The following COL8A1 variants were observed in gnomAD, a reference collection of about 807,000 sequenced individuals.
The protein encoded by COL8A1 is collagen alpha-1(VIII) chain.
In COL8A1, 21 loss-of-function variants were observed where a neutral mutation model predicts 42.7. The observed-to-expected ratio is 0.49, with a 90% confidence interval of 0.35 to 0.71. COL8A1 has a LOEUF of 0.71. Among genes scored for constraint, COL8A1 ranks in the 30% least tolerant of loss-of-function variants. COL8A1 has a pLI of 0.01. For synonymous variants in COL8A1, 367 were observed against 369.1 expected (o/e 0.99, Z 0.06); for missense variants, 788 against 962.4 (o/e 0.82, Z 2.40).
In COL8A1 at chr3:99,753,525, G is replaced by A. The variant is rs555209046; in HGVS notation, c.-4+8504G>A. ...ATAGAAAACACTGACGCCAGGGTTG[G>A]ACCCATCAGTTAGTACCGCTGCAGC... On this transcript the variant is annotated intron_variant, in intron 2 of 3. Transcript: ENST00000652472. Among the ~76,000 whole-genome samples the A allele has an allele frequency of 1.5e-4, 23 of 152,246 alleles. No homozygotes were observed. In the South Asian group the frequency reaches 4.6e-3, roughly 30 times the overall value.
chr3:99,644,825 A>C (rs1937613859), intron 1 of COL8A1, among the ~76,000 whole-genome samples: 1 of 152,200 alleles, frequency 6.6e-6, no homozygotes, highest in African/African-American at 2.4e-5. Context: ...TGTGGGTGTC[A>C]GCTGTCAACT....
rs1260061080 is a variant in COL8A1, at chr3:99,798,445, A to G, written c.*2309A>G. Reference sequence around the variant, plus strand: ...AACAGCCACATTGAAATGGTTTAAAAGCAAGTCAGATCAGGTGATTTGTAA... The same window carrying G: ...AACAGCCACATTGAAATGGTTTAAAGGCAAGTCAGATCAGGTGATTTGTAA... On this transcript the variant is annotated 3_prime_UTR_variant, in exon 4 of 4. Transcript: ENST00000652472. The G allele has an allele frequency of 6.6e-6, 1 of 152,252 alleles. No homozygotes were observed. Among genetic ancestry groups the G allele is most frequent in the East Asian group, 1.9e-4 (1 of 5,206 alleles). The allele number at this position is 152,252 out of a possible 1,614,324, so 9.4% of individuals were successfully genotyped here. A position where few individuals can be genotyped will look rare whatever the true frequency, so the allele number is the denominator to read the frequency against.
chr3:99,694,739 T>C (rs1023401234), intron 1 of COL8A1, among the ~76,000 whole-genome samples: 3 of 152,226 alleles, frequency 2.0e-5, no homozygotes, highest in African/African-American at 7.2e-5. Flanking sequence ...CCTCTTCATC[T>C]TATATAAGAT....
At chr3:99,700,221 T>C (rs1373067655) in intron 1 of COL8A1, among the ~76,000 whole-genome samples, 1 of 151,850 alleles carries the variant, frequency 6.6e-6, no homozygotes, top group Non-Finnish European at 1.5e-5. Flanking sequence ...GAGCATGAAA[T>C]AGCGTGAAAT....
chr3:99,721,830 G>A (rs564157679), intron 1 of COL8A1, among the ~76,000 whole-genome samples: 34 of 151,952 alleles, frequency 2.2e-4, no homozygotes, highest in African/African-American at 4.8e-4. Context: ...ACAAAAGGAC[G>A]GAAGAGTCTA....
intron 1 of COL8A1, among the ~76,000 whole-genome samples, chr3:99,649,653 A>G (rs1937774875): frequency 1.3e-5 from 2 of 152,172 alleles, no homozygotes; most frequent in Admixed American, 6.5e-5. Flanking sequence ...TCATGAAATG[A>G]CCAACACTAC....
intron 2 of COL8A1, among the ~76,000 whole-genome samples, chr3:99,749,922 T>G (rs1486418370): frequency 1.3e-5 from 2 of 151,942 alleles, no homozygotes; most frequent in African/African-American, 2.4e-5. Flanking sequence ...TATACAATAA[T>G]AGTGATAAGT....
chr3:99,653,406 G>T (rs1371927844), intron 1 of COL8A1, among the ~76,000 whole-genome samples: 1 of 151,842 alleles, frequency 6.6e-6, no homozygotes, highest in Non-Finnish European at 1.5e-5. Context: ...TTGGGTGGGG[G>T]GTTGTGTTTT....
In COL8A1 at chr3:99,790,818, C is replaced by T. The variant is rs1214797901; in HGVS notation, c.136C>T (p.Pro46Ser). The T allele has an allele frequency of 1.9e-6, 3 of 1,614,222 alleles. No homozygotes were observed. Among genetic ancestry groups the T allele is most frequent in the Non-Finnish European group, 2.5e-6 (3 of 1,180,048 alleles). ...LPPQIPPQMP[P>S]QIPQYQPLGQ... is the part of the protein sequence containing the mutation. Reference sequence around the variant, plus strand: ...ACCTCAAATTCCTCCTCAGATGCCACCACAAATTCCACAATACCAGCCCCT... The same window carrying T: ...ACCTCAAATTCCTCCTCAGATGCCATCACAAATTCCACAATACCAGCCCCT... The change falls in exon 3 of 4, where the codon CCA (proline) becomes TCA (serine). Residue 46 changes from proline (P) to serine (S), a missense_variant. Pro to Ser is a moderately conservative substitution (Grantham distance 74, BLOSUM62 -1). Transcript: ENST00000652472.
chr3:99,705,788 AT>A (rs1576440156), intron 1 of COL8A1, among the ~76,000 whole-genome samples: 1 of 152,254 alleles, frequency 6.6e-6, no homozygotes, highest in African/African-American at 2.4e-5. Flanking sequence ...CCGGTATGAT[AT>A]TTTTTGGGGG....
At chr3:99,732,824 C>T (rs374815136) in intron 1 of COL8A1, among the ~76,000 whole-genome samples, 1 of 152,154 alleles carries the variant, frequency 6.6e-6, no homozygotes, top group Admixed American at 6.6e-5. Context: ...TCCCTCCCAC[C>T]TATGAGCCTA....
intron 1 of COL8A1, among the ~76,000 whole-genome samples, chr3:99,711,830 TAGTC>T (rs1425502480): frequency 6.6e-6 from 1 of 152,152 alleles, no homozygotes; most frequent in African/African-American, 2.4e-5. Flanking sequence ...TTTATAAAAA[TAGTC>T]AGCAACATAG....
At chr3:99,681,361 C>A (rs184954723) in intron 1 of COL8A1, among the ~76,000 whole-genome samples, 1 of 152,106 alleles carries the variant, frequency 6.6e-6, no homozygotes. Flanking sequence ...CAAAAGCAGA[C>A]CTTACTTATT....
At chr3:99,685,842 TAGTC>T (rs1484253803) in intron 1 of COL8A1, among the ~76,000 whole-genome samples, 2 of 152,232 alleles carry the variant, frequency 1.3e-5, no homozygotes, top group African/African-American at 4.8e-5. Flanking sequence ...ATGAATATAA[TAGTC>T]AGACTACTTT....
intron 1 of COL8A1, among the ~76,000 whole-genome samples, chr3:99,655,126 CCTTTTAGTATGGAAGAGAGGCCA>C: frequency 6.6e-6 from 1 of 152,124 alleles, no homozygotes; most frequent in East Asian, 1.9e-4. Flanking sequence ...CCCCTTTCTT[CCTTTTAGTATGGAAGAGAGGCCA>C]CTTTTTCTGC....
Position 99,795,075 on chromosome 3 carries a change from C to A in COL8A1, c.1174C>A (p.Pro392Thr), listed in dbSNP as rs763724297. The A allele has an allele frequency of 1.4e-5, 23 of 1,611,372 alleles. No individual in the cohort carries two copies. Among genetic ancestry groups the A allele is most frequent in the Admixed American group, 8.4e-5 (5 of 59,642 alleles). ...AGGAATAGGGGGTCCTCCAGGAGAG[C>A]CAGGCCTGCCTGGAATCCCAGGTCC... ...APGIGGPPGE[P>T]GLPGIPGPMG... The change falls in exon 4 of 4, where the codon CCA (proline) becomes ACA (threonine). Residue 392 changes from proline (P) to threonine (T), a missense_variant. By Grantham distance (38) the Pro-to-Thr change is conservative (BLOSUM62 -1). Around this residue, in one of 4 missense-constraint regions of COL8A1, gnomAD observed 421 missense variants for 553.1 expected, o/e 0.76. Transcript: ENST00000652472.
chr3:99,741,325 CTG>C (rs567039047), intron 1 of COL8A1, among the ~76,000 whole-genome samples: 71 of 152,194 alleles, frequency 4.7e-4, no homozygotes, highest in African/African-American at 1.5e-3. Flanking sequence ...GATACTAAGA[CTG>C]TTTTTTAATT....
At chr3:99,767,868 G>A (rs1046419501) in intron 2 of COL8A1, among the ~76,000 whole-genome samples, 9 of 152,192 alleles carry the variant, frequency 5.9e-5, no homozygotes, top group African/African-American at 2.2e-4. Flanking sequence ...TTCAGAATGA[G>A]TTAGCATGAG....
chr3:99,674,777 T>C (rs562808092), intron 1 of COL8A1, among the ~76,000 whole-genome samples: 2 of 152,138 alleles, frequency 1.3e-5, no homozygotes, highest in Admixed American at 1.3e-4. Context: ...CTTAAGTGCA[T>C]TGGGAATTTG....
Sources: allele counts gnomAD v4.1 joint callset (sites outside exome capture counted in the v4.1 genomes callset), GRCh38; gene constraint gnomAD v4.1.1; regional missense constraint gnomAD v4.1.1; transcripts MANE v1.5; gene names NCBI Gene and HGNC (gene_info 2026-07-23, HGNC 2026-07-21).